The following SAFB2 variants were observed in gnomAD, a reference collection of about 807,000 sequenced individuals.
The protein encoded by SAFB2 is scaffold attachment factor B2.
Under a neutral mutation model 100.6 loss-of-function variants are expected in SAFB2, and 32 were observed. The observed-to-expected ratio is 0.32, with a 90% CI of 0.24 to 0.43. SAFB2 has a LOEUF of 0.43. Ranked by LOEUF, SAFB2 falls within the 20% of genes least tolerant of loss-of-function variation. The pLI is 1.00. For missense variants in SAFB2, 1,185 were observed against 1,163.4 expected, an observed-to-expected ratio of 1.02 and a Z score of -0.27; for synonymous variants, 500 against 439.4, an observed-to-expected ratio of 1.14 and a Z score of -1.72.
Position 5,587,778 on chromosome 19 carries a change from A to C in SAFB2, c.2639-11T>G. 5.1e-6 allele frequency: 8 copies of C among 1,553,450 alleles called. No individual in the cohort carries two copies. The highest frequency in any genetic ancestry group is 7.0e-6 in the Non-Finnish European group (8 of 1,148,232). On this transcript the variant is annotated splice_polypyrimidine_tract_variant and intron_variant, in intron 19 of 20. Transcript: ENST00000252542. This position sits in a 1 kb window ranked among gnomAD's most constrained non-coding sequence, Gnocchi z 4.9. ...GGCCCCTCTCGCCACCTAGAAGAGA[A>C]GAAGGGTCTGCAAACACTCCGTTCC...
At chr19:5,615,292 T>G (rs188245875) in intron 4 of SAFB2, among the ~76,000 whole-genome samples, 20 of 151,816 alleles carry the variant, frequency 1.3e-4, no homozygotes, top group Admixed American at 1.2e-3. Context: ...GAGGCGGAGG[T>G]TGCAGTGAGC....
chr19:5,600,034 T>C, intron 12 of SAFB2, 96 bp downstream of exon 12: 2 of 1,290,314 alleles, frequency 1.6e-6, no homozygotes, highest in Non-Finnish European at 2.2e-6. Context: ...AACAGCCATG[T>C]CACCAGAGCT....
At chr19:5,590,559 T>G in intron 17 of SAFB2, 151 bp from the exon 18 acceptor site, 1 of 855,662 alleles carries the variant, frequency 1.2e-6, no homozygotes, top group African/African-American at 1.8e-5. Flanking sequence ...TGCTGGGCCC[T>G]GCTTCACTGA....
In SAFB2 at chr19:5,621,219, C is replaced by T. The variant is rs919713057; in HGVS notation, c.274+90G>A. The T allele has an allele frequency of 4.7e-6, 4 of 856,842 alleles. No homozygotes were observed. The African/African-American group carries it at 6.6e-5, about 14-fold the overall frequency. The allele number at this position is 856,842 out of a possible 1,614,324, so 53.1% of individuals were successfully genotyped here. ...AGGGACACCGAGTACCAGAGAAATT[C>T]TCCCAGCCTAGAAGGCGGGAAGAGC... On this transcript the variant is annotated intron_variant, in intron 2 of 20. Transcript: ENST00000252542.
At position 5,616,463 on chromosome 19, in the gene SAFB2, T is replaced by C. The variant is rs977215955; in HGVS notation, c.298A>G (p.Thr100Ala). ...TCGTCTTCCAGGCCATTATCTTCTG[T>C]GCCTTCCTCCTCCATCTTCAGTCCT... Reference protein sequence around the residue: ...VKGLKMEEEGTEDNGLEDDSR... With the variant: ...VKGLKMEEEGAEDNGLEDDSR... The change falls in exon 3 of 21, where the codon ACA becomes GCA. Residue 100 changes from threonine (T) to alanine (A), a missense_variant. Thr to Ala is a moderately conservative substitution (Grantham distance 58). Transcript: ENST00000252542. 3.1e-6 allele frequency: 5 copies of C among 1,614,066 alleles called. No homozygotes were observed. The highest frequency in any genetic ancestry group is 4.2e-6 in the Non-Finnish European group (5 of 1,179,994).
chr19:5,590,738 C>T (rs575376784), intron 17 of SAFB2, among the ~76,000 whole-genome samples: 34 of 152,174 alleles, frequency 2.2e-4, no homozygotes, highest in Non-Finnish European at 4.3e-4. Flanking sequence ...GGCGCCGCCT[C>T]CTTTCCGATA....
At position 5,622,619 on chromosome 19, in the gene SAFB2, G is replaced by C. The variant is rs765259803; in HGVS notation, c.97C>G (p.Leu33Val). ...TCCGCCCGCAGATCGATCACCCGCA[G>C]CTCGCTGAGCCGCCTCGTCCCAGTC... ...AETGTRRLSE[L>V]RVIDLRAELK... Residue 33 changes from leucine (L) to valine (V), a missense_variant, in exon 1 of 21, where the codon CTG becomes GTG. Coordinates refer to ENST00000252542, the MANE Select transcript of SAFB2 (RefSeq NM_014649.3). 6.2e-7 allele frequency: 1 copy of C among 1,612,618 alleles called. No homozygotes were observed. Among genetic ancestry groups the C allele is most frequent in the Admixed American group, 1.7e-5 (1 of 59,956 alleles).
intron 2 of SAFB2, 129 bp from the exon 3 acceptor site, chr19:5,616,615 C>A: frequency 3.0e-6 from 2 of 676,564 alleles, no homozygotes; most frequent in South Asian, 1.7e-5. Context: ...CCTCTCCTGT[C>A]ACACGTAATT....
Position 5,598,893 on chromosome 19 carries a change from A to G in SAFB2, c.1691-9T>C. On this transcript the variant is annotated splice_polypyrimidine_tract_variant and intron_variant, in intron 12 of 20. Coordinates refer to ENST00000252542, the MANE Select transcript of SAFB2 (RefSeq NM_014649.3). ...CTCCATTCCTCTGCTTCCTTCAGGA[A>G]AAAACACAACAAACTATCAAAACCT... 1 of 1,613,852 alleles carries G rather than the reference A, an allele frequency of 6.2e-7. No homozygotes were observed. The highest frequency in any genetic ancestry group is 8.5e-7 in the Non-Finnish European group (1 of 1,179,836).
At chr19:5,595,843 G>A (rs377327082) in intron 13 of SAFB2, among the ~76,000 whole-genome samples, 6 of 152,224 alleles carry the variant, frequency 3.9e-5, no homozygotes, top group South Asian at 2.1e-4. Context: ...GGGCACATCC[G>A]CACAGGGCCA....
At chr19:5,600,106 C>T in intron 12 of SAFB2, 24 bp downstream of exon 12, 3 of 1,602,110 alleles carry the variant, frequency 1.9e-6, no homozygotes, top group Non-Finnish European at 2.5e-6. Context: ...TCCCCTTCCA[C>T]AGCTCTTAAA....
rs2145316433 is a variant in SAFB2, at chr19:5,591,763, G to A, written c.2379C>T (p.Asp793=). 1 of 1,613,968 alleles carries A rather than the reference G, an allele frequency of 6.2e-7. No individual in the cohort carries two copies. Among genetic ancestry groups the A allele is most frequent in the Non-Finnish European group, 8.5e-7 (1 of 1,179,948 alleles). Residue 793 remains aspartate (D), a synonymous_variant, in exon 17 of 21, where the codon GAC becomes GAT. Transcript: ENST00000252542. ...CTCTACTCACCTGCCCATCCCGGTG[G>A]TCTCCCATCATTGGCCTCGAACCCT... ...RREGSRPMMG[D]HRDGQHYGDD...
Position 5,597,927 on chromosome 19 carries a change from C to T in SAFB2, c.1782+866G>A, listed in dbSNP as rs553535446. The stretch of plus-strand genomic sequence containing the variant: ...GGTGGATCACTTGAGGTCAGGAGTT[C>T]GAGACCAGCCTGGCCAACGTGGCAA... On this transcript the variant is annotated intron_variant, in intron 13 of 20. Transcript: ENST00000252542. Among the ~76,000 whole-genome samples, 224 of 151,996 alleles carry T rather than the reference C, an allele frequency of 1.5e-3. 1 individual carries two copies. Among genetic ancestry groups the T allele is most frequent in the African/African-American group, 4.8e-3 (200 of 41,456 alleles).
chr19:5,596,398 G>T (rs1178186235), intron 13 of SAFB2, among the ~76,000 whole-genome samples: 1 of 152,122 alleles, frequency 6.6e-6, no homozygotes, highest in Non-Finnish European at 1.5e-5. Context: ...TTGTTCTGTT[G>T]TCCAGCCTGG....
At chr19:5,596,984 G>C (rs927366363) in intron 13 of SAFB2, among the ~76,000 whole-genome samples, 1 of 152,188 alleles carries the variant, frequency 6.6e-6, no homozygotes, top group Non-Finnish European at 1.5e-5. Context: ...GCAGGCTGGG[G>C]AGAAAGGGGC....
chr19:5,596,363 G>C (rs535208501), intron 13 of SAFB2, among the ~76,000 whole-genome samples: 2 of 152,260 alleles, frequency 1.3e-5, no homozygotes, highest in African/African-American at 2.4e-5. Flanking sequence ...ATTTTTTGTA[G>C]GTTTTTTGGG....
At chr19:5,618,470 A>G (rs2053078787) in intron 2 of SAFB2, among the ~76,000 whole-genome samples, 2 of 152,262 alleles carry the variant, frequency 1.3e-5, no homozygotes, top group Admixed American at 6.5e-5. Flanking sequence ...GTTTAATTGC[A>G]TGTCTCGCAA....
chr19:5,593,812 G>T, intron 15 of SAFB2, 79 bp downstream of exon 15: 1 of 1,343,078 alleles, frequency 7.4e-7, no homozygotes, highest in South Asian at 1.7e-5. Context: ...GGACGGAAGG[G>T]AAGCCGCTGT....
At chr19:5,608,883 A>G (rs2052837566) in intron 9 of SAFB2, among the ~76,000 whole-genome samples, 1 of 151,976 alleles carries the variant, frequency 6.6e-6, no homozygotes, top group African/African-American at 2.4e-5. Context: ...CCCCATCTCT[A>G]CTGAAAATAC....
Sources: gnomAD v4.1 joint callset for allele counts (sites outside exome capture counted in the v4.1 genomes callset) on GRCh38, gnomAD v4.1.1 for gene constraint, Gnocchi (gnomAD v3.1) non-coding constraint, MANE v1.5 for transcripts, NCBI Gene and HGNC (gene_info 2026-07-23, HGNC 2026-07-21) for gene names.